The following ZMAT4 variants were observed in gnomAD, a reference collection of about 807,000 sequenced individuals.
ZMAT4 encodes zinc finger matrin-type 4.
Under a neutral mutation model 28.7 loss-of-function variants are expected in ZMAT4, and 17 were observed. The ratio of observed to expected loss-of-function variants is 0.59; its 90% CI spans 0.41 to 0.89. The LOEUF (loss-of-function observed/expected upper bound fraction) is 0.89, where lower values mean the gene tolerates loss of function less well. ZMAT4 is among the 40% of genes least tolerant of loss of function. ZMAT4 has a pLI of 0.00. For synonymous variants in ZMAT4, 117 were observed against 109.2 expected, an observed-to-expected ratio of 1.07 and a Z score of -0.44; for missense variants, 240 against 283.8, an observed-to-expected ratio of 0.85 and a Z score of 1.11.
intron 3 of ZMAT4, among the ~76,000 whole-genome samples, chr8:40,705,120 A>G (rs1386829385): frequency 6.6e-6 from 1 of 152,172 alleles, no homozygotes; most frequent in East Asian, 1.9e-4. Flanking sequence ...GAAGATTTCT[A>G]CTGAAGAGAG....
intron 2 of ZMAT4, among the ~76,000 whole-genome samples, chr8:40,802,801 A>T (rs1471288627): frequency 6.6e-6 from 1 of 152,244 alleles, no homozygotes; most frequent in Non-Finnish European, 1.5e-5. Context: ...CAGAGGACTG[A>T]CACTACGTGA....
At chr8:40,809,869 C>A (rs1421850866) in intron 2 of ZMAT4, among the ~76,000 whole-genome samples, 1 of 152,006 alleles carries the variant, frequency 6.6e-6, no homozygotes, top group Non-Finnish European at 1.5e-5. Flanking sequence ...CATGGTGAAA[C>A]CCCATCTCTA....
chr8:40,643,624 C>T (rs768080764), intron 5 of ZMAT4, among the ~76,000 whole-genome samples: 1 of 151,988 alleles, frequency 6.6e-6, no homozygotes, highest in Non-Finnish European at 1.5e-5. Flanking sequence ...CTGCCCATTG[C>T]GATGAGTGCT....
At chr8:40,669,078 C>G (rs948206145) in intron 5 of ZMAT4, among the ~76,000 whole-genome samples, 21 of 152,050 alleles carry the variant, frequency 1.4e-4, no homozygotes, top group African/African-American at 4.8e-4. Flanking sequence ...GAAGAGAACT[C>G]TGATAGAGAA....
At chr8:40,641,805 A>G (rs1807042900) in intron 5 of ZMAT4, among the ~76,000 whole-genome samples, 1 of 152,212 alleles carries the variant, frequency 6.6e-6, no homozygotes, top group African/African-American at 2.4e-5. Context: ...CACTCTGCCT[A>G]TTAGATCTCT....
intron 2 of ZMAT4, among the ~76,000 whole-genome samples, chr8:40,821,501 A>G (rs1222090366): frequency 6.6e-6 from 1 of 152,172 alleles, no homozygotes; most frequent in Non-Finnish European, 1.5e-5. Context: ...TTCATATGCA[A>G]AAATAGATTT....
chr8:40,562,479 T>C (rs955226132), intron 6 of ZMAT4, among the ~76,000 whole-genome samples: 1 of 2,288 alleles, frequency 4.4e-4, no homozygotes, highest in African/African-American at 5.1e-4. Flanking sequence ...TAAAAGAGGG[T>C]TCTGCTGTTA....
intron 2 of ZMAT4, among the ~76,000 whole-genome samples, chr8:40,816,957 G>A (rs1177514351): frequency 6.6e-6 from 1 of 152,138 alleles, no homozygotes; most frequent in Admixed American, 6.5e-5. Context: ...TTGAGTGTTG[G>A]AGACCCAGGG....
intron 5 of ZMAT4, among the ~76,000 whole-genome samples, chr8:40,647,394 A>G (rs1451676026): frequency 6.6e-6 from 1 of 152,216 alleles, no homozygotes; most frequent in Admixed American, 6.5e-5. Flanking sequence ...GCACCACAAG[A>G]TTATATCCCG....
chr8:40,818,879 G>C (rs770544116), intron 2 of ZMAT4, among the ~76,000 whole-genome samples: 1 of 152,166 alleles, frequency 6.6e-6, no homozygotes, highest in African/African-American at 2.4e-5. Context: ...CAAGAAGAAG[G>C]TATGAGAGTC....
chr8:40,676,723 G>T (rs1184922007), intron 4 of ZMAT4, among the ~76,000 whole-genome samples: 1 of 152,008 alleles, frequency 6.6e-6, no homozygotes, highest in African/African-American at 2.4e-5. Flanking sequence ...AGAAGTTTTA[G>T]CTAGTTTAGA....
chr8:40,812,182 T>C (rs539893066), intron 2 of ZMAT4, among the ~76,000 whole-genome samples: 1 of 152,118 alleles, frequency 6.6e-6, no homozygotes, highest in Non-Finnish European at 1.5e-5. Context: ...TGCCTGATGA[T>C]ATCCTCCCAA....
At chr8:40,708,250 G>A (rs1810446883) in intron 3 of ZMAT4, among the ~76,000 whole-genome samples, 1 of 152,180 alleles carries the variant, frequency 6.6e-6, no homozygotes, top group African/African-American at 2.4e-5. Context: ...TGGCAGCCCT[G>A]TGTGAGAACA....
intron 2 of ZMAT4, among the ~76,000 whole-genome samples, chr8:40,801,958 G>A (rs1432720635): frequency 6.6e-6 from 1 of 151,824 alleles, no homozygotes; most frequent in Non-Finnish European, 1.5e-5. Flanking sequence ...TGCATCAACG[G>A]GCTAAAGAGA....
intron 6 of ZMAT4, among the ~76,000 whole-genome samples, chr8:40,564,586 G>T (rs1348435416): frequency 6.6e-6 from 1 of 152,128 alleles, no homozygotes; most frequent in African/African-American, 2.4e-5. Flanking sequence ...TGTGTATAGG[G>T]GAGAACATAT....
chr8:40,538,840 C>G (rs1349676894), intron 6 of ZMAT4, among the ~76,000 whole-genome samples: 2 of 151,962 alleles, frequency 1.3e-5, no homozygotes, highest in Non-Finnish European at 2.9e-5. Context: ...TGGAGTGGTG[C>G]AGTGGCACCA....
intron 1 of ZMAT4, among the ~76,000 whole-genome samples, chr8:40,862,141 T>C (rs1817516341): frequency 6.6e-6 from 1 of 152,036 alleles, no homozygotes; most frequent in Non-Finnish European, 1.5e-5. Flanking sequence ...TGCGGCACTA[T>C]ACACAATAGC....
At chr8:40,695,768 ATTTTTTTTTTTTTTTTT>A (rs756360990) in intron 4 of ZMAT4, among the ~76,000 whole-genome samples, 23 of 58,506 alleles carry the variant, frequency 3.9e-4, no homozygotes, top group Middle Eastern at 0.017. Flanking sequence ...CCATGTGGCA[ATTTTTTTTTTTTTTTTT>A]TTTTTTTTTT....
intron 5 of ZMAT4, among the ~76,000 whole-genome samples, chr8:40,634,482 C>G (rs769215843): frequency 3.3e-5 from 5 of 152,176 alleles, no homozygotes; most frequent in Non-Finnish European, 7.4e-5. Flanking sequence ...ACAGAACACT[C>G]CTATAACACC....
Sources: gnomAD v4.1 joint callset for allele counts (sites outside exome capture counted in the v4.1 genomes callset) on GRCh38, gnomAD v4.1.1 for gene constraint, MANE v1.5 for transcripts, NCBI Gene and HGNC (gene_info 2026-07-23, HGNC 2026-07-21) for gene names.